The following NRXN3 variants were observed in gnomAD, a reference collection of about 807,000 sequenced individuals.
NRXN3 encodes neurexin 3.
In NRXN3, 32 loss-of-function variants were observed where a neutral mutation model predicts 137.6. That is an observed-to-expected ratio of 0.23 (90% CI 0.18 to 0.31). NRXN3 has a LOEUF of 0.31. Among genes scored for constraint, NRXN3 ranks in the 10% least tolerant of loss-of-function variants. The pLI, the probability that NRXN3 is intolerant of heterozygous loss-of-function variation, is 1.00. For synonymous variants in NRXN3, 798 were observed against 784.5 expected, an observed-to-expected ratio of 1.02 and a Z score of -0.29; for missense variants, 1,574 against 2,062.5, an observed-to-expected ratio of 0.76 and a Z score of 4.59.
chr14:78,312,104 G>A lies in NRXN3; in HGVS notation c.757+14244G>A, dbSNP rs151094230. On this transcript the variant is annotated intron_variant, in intron 4 of 20. Coordinates refer to ENST00000335750, the MANE Select transcript of NRXN3 (RefSeq NM_001330195.2). ...GTCATCTTCACTGTTGATGGTATTT[G>A]TTATAGATCATTCATAGGCTGCTGA... is the stretch of plus-strand genomic sequence containing the variant. Among the ~76,000 whole-genome samples the A allele has an allele frequency of 7.6e-4, 116 of 152,266 alleles. 1 individual carries two copies. The East Asian group carries it at 0.02, about 26-fold the overall frequency.
At chr14:79,525,375 C>T (rs1234500739) in intron 16 of NRXN3, among the ~76,000 whole-genome samples, 2 of 152,136 alleles carry the variant, frequency 1.3e-5, no homozygotes, top group African/African-American at 4.8e-5. Flanking sequence ...TCTAATTCCC[C>T]ACCTGCATGG....
chr14:78,729,858 G>A (rs1202232380), intron 8 of NRXN3, among the ~76,000 whole-genome samples: 1 of 152,218 alleles, frequency 6.6e-6, no homozygotes, highest in African/African-American at 2.4e-5. Context: ...CTCAATCTGT[G>A]TTTGTGGAGG....
At chr14:78,412,546 C>G (rs748465790) in intron 4 of NRXN3, among the ~76,000 whole-genome samples, 3 of 152,048 alleles carry the variant, frequency 2.0e-5, no homozygotes, top group Non-Finnish European at 2.9e-5. Context: ...TTTTGCAATA[C>G]CCTAGAACAT....
intron 8 of NRXN3, among the ~76,000 whole-genome samples, chr14:78,725,951 G>A (rs1567157748): frequency 6.6e-6 from 1 of 152,154 alleles, no homozygotes; most frequent in East Asian, 1.9e-4. Flanking sequence ...AGGAATTGGG[G>A]TTAAGGATAG....
chr14:78,992,352 A>G (rs75196557), intron 15 of NRXN3, among the ~76,000 whole-genome samples: 1,789 of 152,306 alleles, frequency 0.012, 32 homozygotes, highest in African/African-American at 0.041. Context: ...GGTGAGCACC[A>G]CCTGAAAATC....
chr14:78,866,891 A>G (rs1596665418), intron 10 of NRXN3, among the ~76,000 whole-genome samples: 1 of 137,418 alleles, frequency 7.3e-6, no homozygotes, highest in African/African-American at 2.8e-5. Context: ...TCCGCCTCCC[A>G]GGTTCAAGCG....
chr14:79,562,411 A>G (rs993223641), intron 16 of NRXN3, among the ~76,000 whole-genome samples: 1 of 152,140 alleles, frequency 6.6e-6, no homozygotes. Context: ...TATTATTGAA[A>G]TGAAGACGAT....
At chr14:79,131,757 G>T (rs2057515045) in intron 15 of NRXN3, among the ~76,000 whole-genome samples, 1 of 152,222 alleles carries the variant, frequency 6.6e-6, no homozygotes, top group South Asian at 2.1e-4. Flanking sequence ...CTGGGCAATG[G>T]CGAGTGCCCC....
At chr14:79,628,540 AG>A (rs1408111655) in intron 16 of NRXN3, among the ~76,000 whole-genome samples, 1 of 152,160 alleles carries the variant, frequency 6.6e-6, no homozygotes, top group Non-Finnish European at 1.5e-5. Context: ...AGCCAGGCAT[AG>A]TTTGTCCTTG....
At chr14:78,937,320 G>A (rs1215408946) in intron 10 of NRXN3, among the ~76,000 whole-genome samples, 1 of 152,116 alleles carries the variant, frequency 6.6e-6, no homozygotes, top group Non-Finnish European at 1.5e-5. Flanking sequence ...GTATGTCTGT[G>A]GTCTATAAAT....
At chr14:78,988,787 A>G (rs199616584) in intron 15 of NRXN3, among the ~76,000 whole-genome samples, 4 of 145,608 alleles carry the variant, frequency 2.7e-5, no homozygotes, top group East Asian at 2.3e-4. Context: ...GTGTGTGTGT[A>G]TATATATGTA....
intron 15 of NRXN3, among the ~76,000 whole-genome samples, chr14:79,370,580 A>T (rs575180393): frequency 3.3e-5 from 5 of 151,698 alleles, no homozygotes; most frequent in Non-Finnish European, 5.9e-5. Context: ...AGCCTCCCAA[A>T]GTGCTGGGAT....
intron 8 of NRXN3, among the ~76,000 whole-genome samples, chr14:78,784,942 A>G (rs2098784065): frequency 6.6e-6 from 1 of 152,200 alleles, no homozygotes; most frequent in Non-Finnish European, 1.5e-5. Flanking sequence ...TGAAAGGAAC[A>G]GCAGGGGCAG....
intron 19 of NRXN3, among the ~76,000 whole-genome samples, chr14:79,744,243 T>A (rs1353117461): frequency 6.6e-6 from 1 of 152,202 alleles, no homozygotes; most frequent in African/African-American, 2.4e-5. Context: ...AGAAAAAATG[T>A]TATGATCAAT....
intron 15 of NRXN3, among the ~76,000 whole-genome samples, chr14:79,321,368 A>C (rs1289834649): frequency 2.0e-5 from 3 of 152,148 alleles, no homozygotes; most frequent in African/African-American, 4.8e-5. Flanking sequence ...TAGATTTCAA[A>C]ATCAGTCCTA....
At chr14:78,354,926 C>T (rs1172159615) in intron 4 of NRXN3, among the ~76,000 whole-genome samples, 3 of 152,126 alleles carry the variant, frequency 2.0e-5, no homozygotes, top group Non-Finnish European at 2.9e-5. Context: ...AGGTTGAGAC[C>T]TGAGTGGTCA....
At chr14:79,413,252 G>A (rs536699455) in intron 15 of NRXN3, among the ~76,000 whole-genome samples, 2 of 152,252 alleles carry the variant, frequency 1.3e-5, no homozygotes, top group African/African-American at 4.8e-5. Flanking sequence ...TCACCTCTCT[G>A]TAAATCTGAG....
At chr14:78,402,456 C>T (rs1019297620) in intron 4 of NRXN3, among the ~76,000 whole-genome samples, 9 of 152,064 alleles carry the variant, frequency 5.9e-5, no homozygotes, top group Admixed American at 2.0e-4. Flanking sequence ...GCTTAAAAGC[C>T]GTTTGTTCTT....
intron 16 of NRXN3, among the ~76,000 whole-genome samples, chr14:79,588,522 G>A (rs1454719435): frequency 6.6e-6 from 1 of 152,188 alleles, no homozygotes; most frequent in African/African-American, 2.4e-5. Context: ...TTGATGAGCT[G>A]TTAGGCAGAT....
Sources: gnomAD v4.1 joint callset for allele counts (sites outside exome capture counted in the v4.1 genomes callset) on GRCh38, gnomAD v4.1.1 for gene constraint, MANE v1.5 for transcripts, NCBI Gene and HGNC (gene_info 2026-07-23, HGNC 2026-07-21) for gene names.